The following YY1AP1 variants were observed in gnomAD, a reference collection of about 807,000 sequenced individuals.
YY1AP1 encodes YY1-associated protein 1.
Under a neutral mutation model 39.9 loss-of-function variants are expected in YY1AP1, and 43 were observed. That is an observed-to-expected ratio of 1.08 (90% CI 0.84 to 1.39). The LOEUF (loss-of-function observed/expected upper bound fraction) is 1.39, where lower values mean the gene tolerates loss of function less well. Ranked by LOEUF, YY1AP1 falls within the 40% of genes most tolerant of loss-of-function variation. YY1AP1 has a pLI of 0.00. For synonymous variants in YY1AP1, 292 were observed against 331.3 expected (o/e 0.88, Z 1.29); for missense variants, 813 against 900.7 (o/e 0.90, Z 1.25).
chr1:155,659,987 A>C lies in YY1AP1; in HGVS notation c.1923T>G (p.Ile641Met), dbSNP rs905372497. The change falls in exon 11 of 11, where the codon ATT becomes ATG. Residue 641 changes from isoleucine to methionine, a missense_variant. By Grantham distance (10) the Ile-to-Met change is conservative. Coordinates refer to ENST00000355499, the MANE Select transcript of YY1AP1 (RefSeq NM_139119.3). ...TTTCCCCATCAGCCACAGCACAAGC[A>C]ATGTCCACATTCATGTGGGCCTTAT... ...PEDKAHMNVD[I>M]ACAVADGENA... 1.2e-6 allele frequency: 2 copies of C among 1,614,088 alleles called. No homozygotes were observed. Among genetic ancestry groups the C allele is most frequent in the African/African-American group, 1.3e-5 (1 of 74,918 alleles).
In YY1AP1 at chr1:155,675,215, C is replaced by T. The variant is rs190352797; in HGVS notation, c.325-119G>A. The stretch of plus-strand genomic sequence containing the variant: ...TTGCTCTGTCACACAGCTTGGAGTG[C>T]AGTGGTGCAACCATGACTCAATGCC... On this transcript the variant is annotated intron_variant, in intron 5 of 10. Transcript: ENST00000355499. The T allele has an allele frequency of 3.5e-4, 305 of 872,724 alleles. No individual in the cohort carries two copies. In the African/African-American group the frequency reaches 4.4e-3, roughly 12 times the overall value. The allele number at this position is 872,724 out of a possible 1,614,324, so 54.1% of individuals were successfully genotyped here.
chr1:155,685,033 A>G (rs1329514845), intron 2 of YY1AP1, among the ~76,000 whole-genome samples: 1 of 152,242 alleles, frequency 6.6e-6, no homozygotes, highest in Admixed American at 6.5e-5. Context: ...ACCTTTTTAC[A>G]TAAACTCACT....
At chr1:155,668,306 C>T (rs1649346387) in intron 9 of YY1AP1, among the ~76,000 whole-genome samples, 1 of 151,984 alleles carries the variant, frequency 6.6e-6, no homozygotes, top group Admixed American at 6.6e-5. Flanking sequence ...AAGATTATGT[C>T]TGACCAAAAA....
chr1:155,688,460 G>T (rs201373497), intron 1 of YY1AP1, 199 bp downstream of exon 1: 2 of 1,549,608 alleles, frequency 1.3e-6, no homozygotes, highest in Non-Finnish European at 1.7e-6. Flanking sequence ...CCCGACTCCG[G>T]CCATGTAGCG....
At chr1:155,676,149 G>C (rs1167557739) in intron 5 of YY1AP1, among the ~76,000 whole-genome samples, 2 of 151,960 alleles carry the variant, frequency 1.3e-5, no homozygotes, top group African/African-American at 4.8e-5. Flanking sequence ...GTGAACCCGG[G>C]AGGCAGAGCT....
At chr1:155,684,210 T>C (rs114712418) in intron 2 of YY1AP1, among the ~76,000 whole-genome samples, 2,653 of 152,258 alleles carry the variant, frequency 0.017, 89 homozygotes, top group African/African-American at 0.061. Context: ...ATTGTGCCAT[T>C]GTACTCCAGC....
At chr1:155,684,947 T>C (rs886262022) in intron 2 of YY1AP1, among the ~76,000 whole-genome samples, 2 of 152,162 alleles carry the variant, frequency 1.3e-5, no homozygotes, top group Non-Finnish European at 2.9e-5. Flanking sequence ...AATTAATGGG[T>C]AGTCTGTCAA....
At chr1:155,673,204 C>T (rs1339468986) in intron 6 of YY1AP1, among the ~76,000 whole-genome samples, 1 of 152,184 alleles carries the variant, frequency 6.6e-6, no homozygotes, top group East Asian at 1.9e-4. Flanking sequence ...TTTGCAGAGA[C>T]AGCGTTTTCC....
Position 155,670,381 on chromosome 1 carries a change from C to A in YY1AP1, c.667G>T (p.Val223Leu), listed in dbSNP as rs1201912006. Residue 223 changes from valine to leucine, a missense_variant, in exon 8 of 11, where the codon GTG becomes TTG. Val to Leu is a conservative substitution (Grantham distance 32, BLOSUM62 1). Transcript: ENST00000355499. ...KVFMYPELLP[V>L]CSLKAKNPQD... ...GGATTCTTTGCCTTCAGGGAACACA[C>A]TGGAAGTAACTCTGGATACATGAAA... is the stretch of plus-strand genomic sequence containing the variant. The A allele has an allele frequency of 4.3e-6, 7 of 1,613,520 alleles. No homozygotes were observed. The highest frequency in any genetic ancestry group is 5.9e-6 in the Non-Finnish European group (7 of 1,180,038).
At chr1:155,686,663 G>T (rs1249820929) in intron 2 of YY1AP1, among the ~76,000 whole-genome samples, 1 of 152,240 alleles carries the variant, frequency 6.6e-6, no homozygotes, top group East Asian at 1.9e-4. Flanking sequence ...CACCCATGCA[G>T]CTGCTCTGGT....
intron 5 of YY1AP1, among the ~76,000 whole-genome samples, chr1:155,676,221 CAAAAAAAAAAGA>C (rs1558311283): frequency 8.1e-6 from 1 of 123,438 alleles, no homozygotes; most frequent in East Asian, 2.3e-4. Flanking sequence ...GACTACGTCT[CAAAAAAAAAAGA>C]AAAAAGAAAA....
intron 2 of YY1AP1, among the ~76,000 whole-genome samples, chr1:155,684,239 ACTCT>A (rs963209253): frequency 6.6e-6 from 1 of 152,138 alleles, no homozygotes; most frequent in Non-Finnish European, 1.5e-5. Flanking sequence ...GGAGAGCGAA[ACTCT>A]CTCTCAAAAA....
At chr1:155,664,954 T>G (rs1648734347) in intron 9 of YY1AP1, among the ~76,000 whole-genome samples, 1 of 151,726 alleles carries the variant, frequency 6.6e-6, no homozygotes, top group African/African-American at 2.4e-5. Context: ...GTACTTTTAG[T>G]AGAGACGGGG....
chr1:155,683,330 A>C (rs1320088071), intron 2 of YY1AP1, among the ~76,000 whole-genome samples: 1 of 151,868 alleles, frequency 6.6e-6, no homozygotes, highest in Non-Finnish European at 1.5e-5. Context: ...CTTGTTTCTG[A>C]ACCAAAATGA....
intron 3 of YY1AP1, 58 bp downstream of exon 3, chr1:155,680,358 C>T: frequency 6.3e-7 from 1 of 1,597,010 alleles, no homozygotes; most frequent in Non-Finnish European, 8.6e-7. Flanking sequence ...TCAAAGGACA[C>T]ATTTTGTTGG....
chr1:155,680,754 A>G (rs1208876140), intron 2 of YY1AP1, among the ~76,000 whole-genome samples: 1 of 152,062 alleles, frequency 6.6e-6, no homozygotes, highest in Non-Finnish European at 1.5e-5. Context: ...TTTTGTAGAG[A>G]TGGGTTTTCC....
rs1189727690 is a variant in YY1AP1, at chr1:155,660,641, G to A, written c.1269C>T (p.Leu423=). ...TTTTCCCAGGGTTGAAGCTGGGCTG[G>A]AGAGAGGGGCTGGGTTGGATAAGGA... ...KPLLIQPSPS[L]QPSFNPGKTP... The change falls in exon 11 of 11, where the codon CTC becomes CTT. Residue 423 remains leucine (L), a synonymous_variant. Coordinates refer to ENST00000355499, the MANE Select transcript of YY1AP1 (RefSeq NM_139119.3). The A allele has an allele frequency of 3.7e-6, 6 of 1,614,072 alleles. No homozygotes were observed. The highest frequency in any genetic ancestry group is 5.1e-6 in the Non-Finnish European group (6 of 1,180,046).
chr1:155,661,341 T>C lies in YY1AP1; in HGVS notation c.962A>G (p.Glu321Gly). ...GAATGGGAGCCGGTGTTCTTCTCTC[T>C]CTATAGGTGGCTTCCACTGATGTGG... is the stretch of plus-strand genomic sequence containing the variant. ...IQPHQWKPPI[E>G]REEHRLPFWL... The change falls in exon 10 of 11, where the codon GAG becomes GGG. Residue 321 changes from glutamate (E) to glycine (G), a missense_variant. Glu to Gly is a moderately conservative substitution (Grantham distance 98). Transcript: ENST00000355499. 6.2e-7 allele frequency: 1 copy of C among 1,613,868 alleles called. No homozygotes were observed.
At position 155,688,337 on chromosome 1, in the gene YY1AP1, C is replaced by A. The variant is rs1295933275; in HGVS notation, c.-151-136G>T. ...CCCAAAATGGCGGCGGCAGCGGCGGCAGCAGAGTGGCCGCGGCAGCTCCTC... is the reference window on the plus strand; with the variant it reads ...CCCAAAATGGCGGCGGCAGCGGCGGAAGCAGAGTGGCCGCGGCAGCTCCTC... On this transcript the variant is annotated intron_variant, in intron 1 of 10. Transcript: ENST00000355499. 4.5e-6 allele frequency: 7 copies of A among 1,550,418 alleles called. No homozygotes were observed. In the Admixed American group the frequency reaches 9.8e-5, roughly 22 times the overall value.
Sources: allele counts gnomAD v4.1 joint callset (sites outside exome capture counted in the v4.1 genomes callset), GRCh38; gene constraint gnomAD v4.1.1; transcripts MANE v1.5; gene names NCBI Gene and HGNC (gene_info 2026-07-23, HGNC 2026-07-21).